The following ZNF280C variants were observed in gnomAD, a reference collection of about 807,000 sequenced individuals.
ZNF280C encodes the protein suppressor of hairy wing homolog 3.
A neutral mutation model predicts 53.6 loss-of-function variants in ZNF280C; 14 were observed. That is an observed-to-expected ratio of 0.26 (90% CI 0.17 to 0.41). The LOEUF (loss-of-function observed/expected upper bound fraction) is 0.41. ZNF280C is among the 10% of genes least tolerant of loss of function. ZNF280C has a pLI of 1.00. For missense variants in ZNF280C, 416 were observed against 547.1 expected, an observed-to-expected ratio of 0.76 and a Z score of 2.39; for synonymous variants, 203 against 181.1, an observed-to-expected ratio of 1.12 and a Z score of -0.97.
At chrX:130,242,000 C>CGAG (rs2032395736) in intron 5 of ZNF280C, among the ~76,000 whole-genome samples, 1 of 61,135 alleles carries the variant, frequency 1.6e-5, no homozygotes, top group Admixed American at 2.0e-4. Flanking sequence ...TTTGGGAAGC[C>CGAG]GGGGGGGGGC....
chrX:130,218,158 G>A lies in ZNF280C; in HGVS notation c.1528-2057C>T, dbSNP rs181945528. Among the ~76,000 whole-genome samples the A allele has an allele frequency of 3.0e-4, 33 of 111,512 alleles. No homozygotes were observed. The East Asian group carries it at 7.0e-3, about 24-fold the overall frequency. ...ACCTGGGTGACAGAGTGAGACCCCC[G>A]TCTCAAAAACAAACAAACAAAAAAA... On this transcript the variant is annotated intron_variant, in intron 13 of 18. Coordinates refer to ENST00000370978, the MANE Select transcript of ZNF280C (RefSeq NM_017666.5).
At chrX:130,259,407 A>G (rs1212747985) in intron 2 of ZNF280C, among the ~76,000 whole-genome samples, 1 of 112,466 alleles carries the variant, frequency 8.9e-6, no homozygotes, top group East Asian at 2.8e-4. Context: ...CACCACTGTG[A>G]TATTATGGGA....
Position 130,246,852 on chromosome X carries a change from T to C in ZNF280C, c.178+7A>G, listed in dbSNP as rs2032455521. 2 of 1,205,274 alleles carry C rather than the reference T, an allele frequency of 1.7e-6. No individual in the cohort carries two copies. Among genetic ancestry groups the C allele is most frequent in the Admixed American group, 4.5e-5 (2 of 44,501 alleles). ...GAAACGTTACTTCACTGAAAGTAAA[T>C]GCTTACTTGAAATGGCTGGTTTTGA... On this transcript the variant is annotated splice_region_variant and intron_variant, in intron 3 of 18. Transcript: ENST00000370978.
chrX:130,223,859 C>A (rs1341263472), intron 12 of ZNF280C, among the ~76,000 whole-genome samples: 1 of 111,940 alleles, frequency 8.9e-6, no homozygotes, highest in African/African-American at 3.2e-5. Flanking sequence ...TAAAATTGCA[C>A]TAATGCCATC....
rs878963872 is a variant in ZNF280C, at chrX:130,215,209, C to T, written c.1963G>A (p.Val655Ile). 1 of 1,204,478 alleles carries T rather than the reference C, an allele frequency of 8.3e-7. No homozygotes were observed. The highest frequency in any genetic ancestry group is 1.1e-6 in the Non-Finnish European group (1 of 892,937). ...KYNTNCNKAF[V>I]NHMMSSHSNH... is the part of the protein sequence containing the mutation. Reference sequence around the variant, plus strand: ...TTAACTTACCTCATCATATGATTTACAAAGGCTTTGTTACAGTTAGTATTG... The same window carrying T: ...TTAACTTACCTCATCATATGATTTATAAAGGCTTTGTTACAGTTAGTATTG... Residue 655 changes from valine to isoleucine, a missense_variant, in exon 15 of 19, where the codon GTA becomes ATA. By Grantham distance (29) the Val-to-Ile change is conservative. This residue lies in a region of ZNF280C where 151 missense variants were observed against 176.9 expected (regional missense o/e 0.85). Transcript: ENST00000370978.
chrX:130,233,170 G>A (rs1242270928), intron 8 of ZNF280C, among the ~76,000 whole-genome samples: 1 of 111,760 alleles, frequency 8.9e-6, no homozygotes, highest in African/African-American at 3.2e-5. Flanking sequence ...TAGATGCAGA[G>A]AGTAGAATTG....
chrX:130,219,704 A>G (rs2032142451), intron 13 of ZNF280C, among the ~76,000 whole-genome samples: 1 of 109,629 alleles, frequency 9.1e-6, no homozygotes, highest in African/African-American at 3.3e-5. Flanking sequence ...TGGGGACACA[A>G]AGATAAATTA....
intron 2 of ZNF280C, among the ~76,000 whole-genome samples, chrX:130,252,086 C>T (rs2032518996): frequency 8.9e-6 from 1 of 112,167 alleles, no homozygotes; most frequent in Non-Finnish European, 1.9e-5. Flanking sequence ...TGCACTACAG[C>T]CTGGGTGGCA....
At chrX:130,209,245 C>G (rs2032015184) in intron 16 of ZNF280C, among the ~76,000 whole-genome samples, 1 of 111,735 alleles carries the variant, frequency 8.9e-6, no homozygotes, top group African/African-American at 3.2e-5. Flanking sequence ...TGATTCTGAG[C>G]TAAATGTGTG....
chrX:130,236,494 T>C lies in ZNF280C; in HGVS notation c.639A>G (p.Thr213=). ...CTTTTGACAGCATAACTTGGGAGGA[T>C]GTCACTGGAGGAGAGCCAATTAAAG... is the stretch of plus-strand genomic sequence containing the variant. The part of the protein sequence containing the change: ...SLPLIGSPPV[T]SSQVMLSKGT... Residue 213 remains threonine (T), a synonymous_variant, in exon 7 of 19, where the codon ACA becomes ACG. Transcript: ENST00000370978. 8.3e-7 allele frequency: 1 copy of C among 1,202,734 alleles called. No individual in the cohort carries two copies. Among genetic ancestry groups the C allele is most frequent in the African/African-American group, 1.7e-5 (1 of 57,555 alleles).
At chrX:130,256,959 C>T (rs1390489548) in intron 2 of ZNF280C, among the ~76,000 whole-genome samples, 7 of 108,483 alleles carry the variant, frequency 6.5e-5, no homozygotes, top group African/African-American at 1.3e-4. Flanking sequence ...CCAGCACTTT[C>T]GGAGGCCGAG....
intron 2 of ZNF280C, among the ~76,000 whole-genome samples, chrX:130,251,788 GAAA>G: frequency 2.5e-5 from 2 of 81,502 alleles, no homozygotes; most frequent in South Asian, 1.3e-3. Flanking sequence ...GACTTCGTCT[GAAA>G]AAAAAAAAAA....
chrX:130,244,910 G>A (rs1438540643), intron 3 of ZNF280C, among the ~76,000 whole-genome samples: 2 of 110,777 alleles, frequency 1.8e-5, no homozygotes, highest in Non-Finnish European at 3.8e-5. Context: ...TAAACATTAC[G>A]GAAGTCTTCT....
intron 6 of ZNF280C, among the ~76,000 whole-genome samples, chrX:130,237,596 G>C (rs2032347995): frequency 9.0e-6 from 1 of 111,571 alleles, no homozygotes; most frequent in Non-Finnish European, 1.9e-5. Context: ...TTCTAAAACT[G>C]CATGTCGTGT....
At chrX:130,215,658 C>G in intron 14 of ZNF280C, 133 bp downstream of exon 14, 1 of 633,983 alleles carries the variant, frequency 1.6e-6, no homozygotes, top group East Asian at 3.7e-5. Context: ...GTAAAAAGTA[C>G]CTTTTTCTCA....
chrX:130,225,627 T>C (rs2032213145), intron 12 of ZNF280C, among the ~76,000 whole-genome samples: 1 of 105,131 alleles, frequency 9.5e-6, no homozygotes. Context: ...CTAGAAAGAT[T>C]TTGCCAAAGT....
intron 8 of ZNF280C, 41 bp downstream of exon 8, chrX:130,236,173 A>G: frequency 1.0e-6 from 1 of 969,513 alleles, no homozygotes; most frequent in Middle Eastern, 3.4e-4. Context: ...TCAAGGATCT[A>G]TAAAACATTT....
intron 1 of ZNF280C, among the ~76,000 whole-genome samples, chrX:130,265,385 A>G (rs914599426): frequency 4.4e-4 from 49 of 112,416 alleles, no homozygotes; most frequent in African/African-American, 1.6e-3. Flanking sequence ...CGCTTTTATT[A>G]TAATTCATAT....
chrX:130,220,270 C>T, intron 13 of ZNF280C, 79 bp downstream of exon 13: 3 of 899,035 alleles, frequency 3.3e-6, no homozygotes, highest in Non-Finnish European at 4.3e-6. Context: ...CTTATTCCTT[C>T]TATCCATAAT....
Sources: allele counts gnomAD v4.1 joint callset (sites outside exome capture counted in the v4.1 genomes callset), GRCh38; gene constraint gnomAD v4.1.1; regional missense constraint gnomAD v4.1.1; transcripts MANE v1.5; gene names NCBI Gene and HGNC (gene_info 2026-07-23, HGNC 2026-07-21).